The following PIPOX variants were observed in gnomAD, a reference collection of about 807,000 sequenced individuals.
PIPOX encodes peroxisomal sarcosine oxidase.
In PIPOX, 45 loss-of-function variants were observed where a neutral mutation model predicts 47.9. That is an observed-to-expected ratio of 0.94 (90% CI 0.74 to 1.20). The LOEUF is 1.20. PIPOX is among the 50% of genes most tolerant of loss of function. PIPOX has a pLI of 0.00. For missense variants in PIPOX, 458 were observed against 498.4 expected (o/e 0.92, Z 0.77); for synonymous variants, 165 against 191.3 (o/e 0.86, Z 1.13).
In PIPOX at chr17:29,055,130, T is replaced by C; in HGVS notation, c.875T>C (p.Ile292Thr). 6.2e-7 allele frequency: 1 copy of C among 1,613,858 alleles called. No individual in the cohort carries two copies. The highest frequency in any genetic ancestry group is 2.2e-5 in the East Asian group (1 of 44,840). ...ERDCPTARTD[I>T]GDVQILSSFV... ...GACTGCCCCACAGCACGCACAGACA[T>C]CGGAGACGTCCAGATCCTGAGCAGC... The change falls in exon 6 of 8, where the codon ATC becomes ACC. Residue 292 changes from isoleucine (I) to threonine (T), a missense_variant. Coordinates refer to ENST00000323372, the MANE Select transcript of PIPOX (RefSeq NM_016518.3).
At position 29,055,189 on chromosome 17, in the gene PIPOX, G is replaced by T. The variant is rs776566383; in HGVS notation, c.934G>T (p.Glu312Ter). Residue 312 changes from glutamate to a stop codon, truncating the protein, a stop_gained, in exon 6 of 8, where the codon GAG becomes TAG. Transcript: ENST00000323372. LOFTEE classifies it high-confidence loss of function. ...AGATCACTTACCTGATCTGAAGCCCGAGCCTGCTGTCATTGAGAGCTGCAT... is the reference window on the plus strand; with the variant it reads ...AGATCACTTACCTGATCTGAAGCCCTAGCCTGCTGTCATTGAGAGCTGCAT... ...VRDHLPDLKP[E>*]PAVIESCMYT... The T allele has an allele frequency of 1.2e-6, 2 of 1,614,180 alleles. No individual in the cohort carries two copies. The highest frequency in any genetic ancestry group is 1.1e-5 in the South Asian group (1 of 91,082).
chr17:29,045,238 G>C (rs893275877), intron 2 of PIPOX, among the ~76,000 whole-genome samples: 12 of 152,270 alleles, frequency 7.9e-5, no homozygotes, highest in Admixed American at 7.8e-4. Flanking sequence ...TGTGTCCAAG[G>C]CTAGCAGAAG....
In PIPOX at chr17:29,056,204, G is replaced by A. The variant is rs780827162; in HGVS notation, c.1072G>A (p.Gly358Arg). The A allele has an allele frequency of 6.2e-7, 1 of 1,614,160 alleles. No individual in the cohort carries two copies. Reference protein sequence around the residue: ...GHGFKLAPVVGKILYELSMKL... With the variant: ...GHGFKLAPVVRKILYELSMKL... ...CGGGTTCAAGCTGGCCCCTGTGGTGGGGAAGATCCTGTATGAATTAAGCAT... is the reference window on the plus strand; with the variant it reads ...CGGGTTCAAGCTGGCCCCTGTGGTGAGGAAGATCCTGTATGAATTAAGCAT... Residue 358 changes from glycine (G) to arginine (R), a missense_variant, in exon 8 of 8, where the codon GGG becomes AGG. Gly to Arg is a moderately radical substitution (Grantham distance 125). Transcript: ENST00000323372.
chr17:29,043,801 G>T (rs1377032777), intron 1 of PIPOX, among the ~76,000 whole-genome samples: 1 of 152,080 alleles, frequency 6.6e-6, no homozygotes, highest in South Asian at 2.1e-4. Flanking sequence ...CCCAGCAGAA[G>T]CTTCTGTTTT....
At chr17:29,054,051 G>A (rs970429237) in intron 4 of PIPOX, among the ~76,000 whole-genome samples, 4 of 151,954 alleles carry the variant, frequency 2.6e-5, no homozygotes, top group African/African-American at 4.8e-5. Context: ...GTGTAGTGGC[G>A]TGTGCTTGTA....
At chr17:29,047,119 T>C (rs2065788384) in intron 2 of PIPOX, among the ~76,000 whole-genome samples, 1 of 152,078 alleles carries the variant, frequency 6.6e-6, no homozygotes, top group African/African-American at 2.4e-5. Context: ...AAACCCCGCC[T>C]CTACTAAAAA....
At chr17:29,055,474 C>T (rs1197344178) in intron 6 of PIPOX, among the ~76,000 whole-genome samples, 2 of 152,218 alleles carry the variant, frequency 1.3e-5, no homozygotes, top group Admixed American at 1.3e-4. Flanking sequence ...CCCAGAAGAG[C>T]TCTAAAAGAT....
chr17:29,049,662 G>C (rs139577173), intron 2 of PIPOX, among the ~76,000 whole-genome samples: 1 of 152,196 alleles, frequency 6.6e-6, no homozygotes, highest in East Asian at 1.9e-4. Flanking sequence ...TGCATTTCCA[G>C]GCAGTGTTTT....
intron 2 of PIPOX, among the ~76,000 whole-genome samples, chr17:29,048,717 CTG>C (rs2065794482): frequency 6.6e-6 from 1 of 152,264 alleles, no homozygotes; most frequent in South Asian, 2.1e-4. Context: ...TCTGCAGCTG[CTG>C]TTTCTTGTGT....
intron 4 of PIPOX, 73 bp downstream of exon 4, chr17:29,053,668 C>G: frequency 8.7e-7 from 1 of 1,155,282 alleles, no homozygotes; most frequent in South Asian, 1.6e-5. Flanking sequence ...AAATTTGAGT[C>G]CTGGATCTGC....
chr17:29,052,140 A>G, intron 2 of PIPOX: 1 of 431,700 alleles, frequency 2.3e-6, no homozygotes. Context: ...ACAGACACAC[A>G]GGAAGGGACA....
In PIPOX at chr17:29,047,290, G is replaced by A. The variant is rs8074269; in HGVS notation, c.263+2283G>A. On this transcript the variant is annotated intron_variant, in intron 2 of 7. Coordinates refer to ENST00000323372, the MANE Select transcript of PIPOX (RefSeq NM_016518.3). ...AGCCTGGGTGACAGAGTGAGACTCC[G>A]TCTCAAAGAAAAAAAAAGAAAAGAA... Among the ~76,000 whole-genome samples, 718 of 151,928 alleles carry A rather than the reference G, an allele frequency of 4.7e-3. 2 individuals are homozygous for A. The highest frequency in any genetic ancestry group is 0.016 in the African/African-American group (683 of 41,442).
chr17:29,045,385 G>A (rs2065781337), intron 2 of PIPOX, among the ~76,000 whole-genome samples: 1 of 150,170 alleles, frequency 6.7e-6, no homozygotes, highest in Admixed American at 6.7e-5. Flanking sequence ...AGAGGAGGAG[G>A]CTGCTTTCAG....
chr17:29,049,252 T>A (rs72815753), intron 2 of PIPOX, among the ~76,000 whole-genome samples: 5,854 of 152,258 alleles, frequency 0.038, 131 homozygotes, highest in Middle Eastern at 0.058. Context: ...TTTCTAGGGT[T>A]CCCTGGCAAC....
At chr17:29,047,000 A>G (rs570984138) in intron 2 of PIPOX, among the ~76,000 whole-genome samples, 54 of 152,190 alleles carry the variant, frequency 3.5e-4, no homozygotes, top group African/African-American at 1.3e-3. Context: ...TACAATAAGA[A>G]ACTAGGCTGG....
intron 2 of PIPOX, among the ~76,000 whole-genome samples, chr17:29,047,501 G>A (rs770519265): frequency 6.6e-6 from 1 of 151,760 alleles, no homozygotes. Flanking sequence ...AAATGGCCAC[G>A]TAGTAAGTAT....
At chr17:29,046,537 A>C in intron 2 of PIPOX, 1 of 951,654 alleles carries the variant, frequency 1.1e-6, no homozygotes, top group Non-Finnish European at 1.3e-6. Flanking sequence ...TACTTGGCCC[A>C]ATGTCTAGCA....
rs1282118801 is a variant in PIPOX at position 29,043,241 on chromosome 17, G to C, written c.16G>C (p.Asp6His). MAAQK[D>H]LWDAIVIGAG... ...GAGTGGCATCATGGCGGCTCAGAAA[G>C]ATCTCTGGGACGCCATTGTGATTGG... Residue 6 changes from aspartate to histidine, a missense_variant, in exon 1 of 8, where the codon GAT (aspartate) becomes CAT (histidine). Coordinates refer to ENST00000323372, the MANE Select transcript of PIPOX (RefSeq NM_016518.3). 2 of 1,613,306 alleles carry C rather than the reference G, an allele frequency of 1.2e-6. No individual in the cohort carries two copies. Among genetic ancestry groups the C allele is most frequent in the Non-Finnish European group, 1.7e-6 (2 of 1,179,434 alleles).
chr17:29,047,294 CAAAGAAAAAA>C (rs888717456), intron 2 of PIPOX, among the ~76,000 whole-genome samples: 3 of 150,638 alleles, frequency 2.0e-5, no homozygotes, highest in Non-Finnish European at 3.0e-5. Flanking sequence ...GACTCCGTCT[CAAAGAAAAAA>C]AAAGAAAAGA....
Sources: gnomAD v4.1 joint callset for allele counts (sites outside exome capture counted in the v4.1 genomes callset) on GRCh38, gnomAD v4.1.1 for gene constraint, MANE v1.5 for transcripts, NCBI Gene and HGNC (gene_info 2026-07-23, HGNC 2026-07-21) for gene names.